LSAMP: variants seen among roughly 807,000 people sequenced by gnomAD.
LSAMP encodes the protein limbic system associated membrane protein.
Under a neutral mutation model 38.6 loss-of-function variants are expected in LSAMP, and 7 were observed. The ratio of observed to expected loss-of-function variants is 0.18; its 90% confidence interval spans 0.10 to 0.34. LSAMP has a LOEUF of 0.34. Ranked by LOEUF, LSAMP falls within the 10% of genes least tolerant of loss-of-function variation. The pLI is 1.00. For missense variants in LSAMP, 313 were observed against 420.0 expected (o/e 0.75, Z 2.23); for synonymous variants, 154 against 166.8 (o/e 0.92, Z 0.59).
chr3:116,193,349 T>G (rs2107583785), intron 1 of LSAMP, among the ~76,000 whole-genome samples: 2 of 152,286 alleles, frequency 1.3e-5, no homozygotes, highest in South Asian at 4.1e-4. Context: ...AAAGTTCCCA[T>G]CTATGGAGTT....
In LSAMP at chr3:116,242,679, T is replaced by G. The variant is rs115725488; in HGVS notation, c.156-156123A>C. On this transcript the variant is annotated intron_variant, in intron 1 of 6. Coordinates refer to ENST00000490035, the MANE Select transcript of LSAMP (RefSeq NM_002338.5). The stretch of plus-strand genomic sequence containing the variant: ...TCGTTCCAAGGCTTTGGTTCCACTT[T>G]CTTTCCCCTGATAAATTTGCTTTTC... Among the ~76,000 whole-genome samples, 877 of 152,248 alleles carry G rather than the reference T, an allele frequency of 5.8e-3. 7 individuals carry two copies. Among genetic ancestry groups the G allele is most frequent in the African/African-American group, 0.02 (829 of 41,536 alleles).
At chr3:115,953,404 TACACACACAC>T (rs71616336) in intron 3 of LSAMP, among the ~76,000 whole-genome samples, 38 of 143,696 alleles carry the variant, frequency 2.6e-4, no homozygotes, top group Middle Eastern at 3.6e-3. Context: ...GTAGTGTGCG[TACACACACAC>T]ACACACACAC....
intron 1 of LSAMP, among the ~76,000 whole-genome samples, chr3:116,271,822 C>T (rs2046978014): frequency 6.6e-6 from 1 of 151,844 alleles, no homozygotes; most frequent in Non-Finnish European, 1.5e-5. Context: ...CAATAATATG[C>T]AAACTTATTC....
chr3:116,325,667 C>T (rs2047760711), intron 1 of LSAMP, among the ~76,000 whole-genome samples: 1 of 152,084 alleles, frequency 6.6e-6, no homozygotes, highest in South Asian at 2.1e-4. Flanking sequence ...TTTTTCTGCC[C>T]TGAATTTATA....
At chr3:115,933,391 A>G (rs1430799832) in intron 3 of LSAMP, among the ~76,000 whole-genome samples, 1 of 152,226 alleles carries the variant, frequency 6.6e-6, no homozygotes, top group Non-Finnish European at 1.5e-5. Flanking sequence ...GTTACAGAGC[A>G]AAGATCCACA....
chr3:115,919,401 A>G (rs972777432), intron 3 of LSAMP, among the ~76,000 whole-genome samples: 32 of 152,208 alleles, frequency 2.1e-4, no homozygotes, highest in African/African-American at 7.7e-4. Context: ...GAAAGAGGGT[A>G]TAAGTGCCTT....
At chr3:116,420,075 A>AT (rs1354169687) in intron 1 of LSAMP, among the ~76,000 whole-genome samples, 2 of 148,582 alleles carry the variant, frequency 1.3e-5, no homozygotes, top group Non-Finnish European at 3.0e-5. Context: ...GCACAGACCT[A>AT]TTTTTTCTTT....
intron 1 of LSAMP, among the ~76,000 whole-genome samples, chr3:116,318,545 G>C (rs572339965): frequency 6.6e-6 from 1 of 152,220 alleles, no homozygotes; most frequent in South Asian, 2.1e-4. Flanking sequence ...CATCTAATTA[G>C]CTCCAAGAGA....
At chr3:116,156,166 C>A (rs966314854) in intron 1 of LSAMP, among the ~76,000 whole-genome samples, 7 of 151,924 alleles carry the variant, frequency 4.6e-5, no homozygotes, top group Non-Finnish European at 1.0e-4. Context: ...CAGGGGGTGG[C>A]AAATGTATAA....
chr3:115,864,223 A>G (rs2107368717), intron 3 of LSAMP, among the ~76,000 whole-genome samples: 1 of 151,742 alleles, frequency 6.6e-6, no homozygotes, highest in South Asian at 2.1e-4. Flanking sequence ...TGTGCACTCA[A>G]ATGAATTTTC....
chr3:116,310,044 T>C (rs2047535472), intron 1 of LSAMP, among the ~76,000 whole-genome samples: 1 of 152,146 alleles, frequency 6.6e-6, no homozygotes, highest in Admixed American at 6.6e-5. Flanking sequence ...ATTTGATTCC[T>C]CATAACTCTC....
chr3:116,202,783 G>C (rs568147719), intron 1 of LSAMP, among the ~76,000 whole-genome samples: 1 of 152,006 alleles, frequency 6.6e-6, no homozygotes, highest in Non-Finnish European at 1.5e-5. Context: ...CTCCTACTCC[G>C]GGAAGCCTTT....
intron 1 of LSAMP, among the ~76,000 whole-genome samples, chr3:116,220,147 C>T (rs1362311418): frequency 6.7e-6 from 1 of 150,076 alleles, no homozygotes; most frequent in Non-Finnish European, 1.5e-5. Context: ...TGTGCCACTG[C>T]ACTCCTGCCT....
intron 3 of LSAMP, among the ~76,000 whole-genome samples, chr3:115,973,994 G>C (rs1939103914): frequency 6.6e-6 from 1 of 152,068 alleles, no homozygotes; most frequent in Non-Finnish European, 1.5e-5. Context: ...AAAAATGATG[G>C]TAGTTGTGAA....
chr3:115,846,914 C>T (rs1935177896), intron 4 of LSAMP, among the ~76,000 whole-genome samples: 1 of 152,172 alleles, frequency 6.6e-6, no homozygotes, highest in Non-Finnish European at 1.5e-5. Flanking sequence ...TCAATCTCTG[C>T]TATTGCCACT....
chr3:116,109,773 G>C (rs777261767), intron 1 of LSAMP, among the ~76,000 whole-genome samples: 2 of 151,712 alleles, frequency 1.3e-5, no homozygotes, highest in African/African-American at 4.8e-5. Context: ...AGGGTGGAAG[G>C]TTGCCCATAG....
intron 1 of LSAMP, among the ~76,000 whole-genome samples, chr3:116,213,419 C>T (rs1051540920): frequency 6.6e-6 from 1 of 152,184 alleles, no homozygotes; most frequent in African/African-American, 2.4e-5. Flanking sequence ...ACTTGCTCCT[C>T]CTAGCCTTCT....
At chr3:116,041,138 G>T (rs1241725160) in intron 2 of LSAMP, among the ~76,000 whole-genome samples, 1 of 152,030 alleles carries the variant, frequency 6.6e-6, no homozygotes, top group Non-Finnish European at 1.5e-5. Context: ...TGCCCAGCCT[G>T]GTCTCAAACT....
At chr3:115,840,638 T>A (rs936978802) in intron 6 of LSAMP, among the ~76,000 whole-genome samples, 2 of 152,240 alleles carry the variant, frequency 1.3e-5, no homozygotes, top group Non-Finnish European at 2.9e-5. Context: ...CATTTGTGGT[T>A]GTTTTTATAA....
Sources: gnomAD v4.1 joint callset for allele counts (sites outside exome capture counted in the v4.1 genomes callset) on GRCh38, gnomAD v4.1.1 for gene constraint, MANE v1.5 for transcripts, NCBI Gene and HGNC (gene_info 2026-07-23, HGNC 2026-07-21) for gene names.